The following KIAA1328 variants were observed in gnomAD, a reference collection of about 807,000 sequenced individuals.
KIAA1328 encodes the protein KIAA1328, also known as protein hinderin.
A neutral mutation model predicts 68.1 loss-of-function variants in KIAA1328; 52 were observed. That is an observed-to-expected ratio of 0.76 (90% CI 0.61 to 0.96). The LOEUF is 0.96. Among genes scored for constraint, KIAA1328 ranks in the 40% least tolerant of loss-of-function variants. The pLI is 0.00. For missense variants in KIAA1328, 641 were observed against 677.6 expected, an observed-to-expected ratio of 0.95 and a Z score of 0.60; for synonymous variants, 232 against 239.4, an observed-to-expected ratio of 0.97 and a Z score of 0.28.
chr18:36,997,423 A>T (rs1420448488), intron 6 of KIAA1328, among the ~76,000 whole-genome samples: 1 of 152,128 alleles, frequency 6.6e-6, no homozygotes, highest in Non-Finnish European at 1.5e-5. Flanking sequence ...GAGTGAGAGA[A>T]TTCCAGCAGC....
intron 7 of KIAA1328, among the ~76,000 whole-genome samples, chr18:37,109,471 A>G (rs549036917): frequency 6.6e-6 from 1 of 152,256 alleles, no homozygotes; most frequent in African/African-American, 2.4e-5. Context: ...CATATTTGTT[A>G]TATTAGTACA....
chr18:36,969,286 A>G (rs1321619348), intron 6 of KIAA1328, among the ~76,000 whole-genome samples: 1 of 152,206 alleles, frequency 6.6e-6, no homozygotes, highest in Non-Finnish European at 1.5e-5. Context: ...AGCCAAAATC[A>G]GAGCTTAACT....
intron 6 of KIAA1328, among the ~76,000 whole-genome samples, chr18:37,020,204 A>G (rs886764600): frequency 2.6e-5 from 4 of 152,206 alleles, no homozygotes; most frequent in East Asian, 3.9e-4. Context: ...ACTCACTGCA[A>G]TGTCTGCCTC....
chr18:36,996,137 C>T (rs1387461060), intron 6 of KIAA1328, among the ~76,000 whole-genome samples: 1 of 152,218 alleles, frequency 6.6e-6, no homozygotes, highest in Non-Finnish European at 1.5e-5. Flanking sequence ...GCACACTCCT[C>T]AAACCTGACT....
intron 6 of KIAA1328, among the ~76,000 whole-genome samples, chr18:37,051,964 A>G (rs1363531685): frequency 6.6e-6 from 1 of 151,712 alleles, no homozygotes; most frequent in East Asian, 1.9e-4. Flanking sequence ...ATCACTTGAA[A>G]CTAGGAGGTG....
intron 4 of KIAA1328, among the ~76,000 whole-genome samples, chr18:36,884,787 G>T (rs1005778137): frequency 2.6e-5 from 4 of 152,162 alleles, no homozygotes; most frequent in Non-Finnish European, 5.9e-5. Context: ...ATGAAAATAG[G>T]ATTGTCCCAA....
At chr18:36,990,740 C>A (rs1283560706) in intron 6 of KIAA1328, among the ~76,000 whole-genome samples, 2 of 151,734 alleles carry the variant, frequency 1.3e-5, no homozygotes, top group African/African-American at 4.8e-5. Flanking sequence ...CAGCAGTGAA[C>A]ATCCTTGTAC....
At chr18:37,087,891 G>A (rs2057152111) in intron 7 of KIAA1328, among the ~76,000 whole-genome samples, 1 of 152,108 alleles carries the variant, frequency 6.6e-6, no homozygotes, top group Non-Finnish European at 1.5e-5. Flanking sequence ...TGCCCTCAAT[G>A]TATTTCAGGC....
chr18:37,129,646 AT>A (rs1310199342), intron 7 of KIAA1328, among the ~76,000 whole-genome samples: 1 of 152,130 alleles, frequency 6.6e-6, no homozygotes, highest in Non-Finnish European at 1.5e-5. Context: ...ATTAGATTAC[AT>A]TTTCTTTTCA....
chr18:37,173,031 A>G lies in KIAA1328; in HGVS notation c.1473A>G (p.Leu491=). The change falls in exon 9 of 10, where the codon CTA becomes CTG. Residue 491 remains leucine, a synonymous_variant. Coordinates refer to ENST00000280020, the MANE Select transcript of KIAA1328 (RefSeq NM_020776.3). ...ASTSPMPTGS[L]KDFVTTASPS... ...CATCTCCTATGCCAACAGGAAGCCT[A>G]AAGGATTTTGTCACCACAGCCTCAC... The G allele has an allele frequency of 6.2e-7, 1 of 1,613,708 alleles. No individual in the cohort carries two copies. Among genetic ancestry groups the G allele is most frequent in the African/African-American group, 1.3e-5 (1 of 75,034 alleles).
intron 6 of KIAA1328, among the ~76,000 whole-genome samples, chr18:37,060,010 G>A (rs1367985539): frequency 6.6e-6 from 1 of 151,952 alleles, no homozygotes; most frequent in Non-Finnish European, 1.5e-5. Flanking sequence ...GCCTGTTGGG[G>A]GATGGGGGGC....
intron 5 of KIAA1328, among the ~76,000 whole-genome samples, chr18:36,915,257 A>C (rs752085179): frequency 6.6e-6 from 1 of 152,152 alleles, no homozygotes; most frequent in Non-Finnish European, 1.5e-5. Context: ...GGTTTTGACA[A>C]AGTTGCAGTG....
chr18:37,136,794 A>G (rs988411328), intron 7 of KIAA1328, among the ~76,000 whole-genome samples: 4 of 152,206 alleles, frequency 2.6e-5, no homozygotes, highest in Non-Finnish European at 5.9e-5. Flanking sequence ...AGTTAAAAGG[A>G]CTTATTCTAC....
intron 7 of KIAA1328, among the ~76,000 whole-genome samples, chr18:37,122,276 G>A (rs1031250217): frequency 6.6e-6 from 1 of 152,030 alleles, no homozygotes; most frequent in Non-Finnish European, 1.5e-5. Context: ...GGATGAAAAC[G>A]TGTCCATTGA....
intron 9 of KIAA1328, among the ~76,000 whole-genome samples, chr18:37,219,653 T>C (rs2060518497): frequency 6.6e-6 from 1 of 152,230 alleles, no homozygotes; most frequent in Non-Finnish European, 1.5e-5. Flanking sequence ...TTTATAATCT[T>C]CTGGTGTGCC....
At position 37,223,316 on chromosome 18, in the gene KIAA1328, T is replaced by C. The variant is rs1221026960; in HGVS notation, c.*1089T>C. 1.0e-6 allele frequency: 1 copy of C among 985,278 alleles called. No homozygotes were observed. The highest frequency in any genetic ancestry group is 1.7e-5 in the African/African-American group (1 of 57,212). 61.0% of individuals were successfully genotyped at this position (985,278 alleles called of 1,614,324 possible). On this transcript the variant is annotated 3_prime_UTR_variant, in exon 10 of 10. Transcript: ENST00000280020. Reference sequence around the variant, plus strand: ...TCCCTACTTTTTCTCACTGGCCTCGTTTTGACCCAGAGAAAGCCTATGGAA... The same window carrying C: ...TCCCTACTTTTTCTCACTGGCCTCGCTTTGACCCAGAGAAAGCCTATGGAA...
chr18:36,851,232 T>C (rs1054353396), intron 4 of KIAA1328, among the ~76,000 whole-genome samples: 7 of 152,220 alleles, frequency 4.6e-5, no homozygotes, highest in Non-Finnish European at 1.5e-5. Context: ...TGGGGATTTT[T>C]GAATCTGTAT....
intron 9 of KIAA1328, among the ~76,000 whole-genome samples, chr18:37,178,184 T>G (rs2059630656): frequency 6.6e-6 from 1 of 152,122 alleles, no homozygotes; most frequent in South Asian, 2.1e-4. Flanking sequence ...TTGTACCCAA[T>G]GACCCCTCTC....
chr18:37,020,622 A>T (rs1351970531), intron 6 of KIAA1328, among the ~76,000 whole-genome samples: 1 of 152,224 alleles, frequency 6.6e-6, no homozygotes, highest in Non-Finnish European at 1.5e-5. Flanking sequence ...CTACAGATAA[A>T]TGATCAATTT....
Sources: allele counts gnomAD v4.1 joint callset (sites outside exome capture counted in the v4.1 genomes callset), GRCh38; gene constraint gnomAD v4.1.1; transcripts MANE v1.5; gene names NCBI Gene and HGNC (gene_info 2026-07-23, HGNC 2026-07-21).